RABGEF1: variants seen among roughly 807,000 people sequenced by gnomAD.
RABGEF1 encodes the protein rab5 GDP/GTP exchange factor.
Under a neutral mutation model 57.3 loss-of-function variants are expected in RABGEF1, and 26 were observed. The ratio of observed to expected loss-of-function variants is 0.45; its 90% CI spans 0.33 to 0.63. The LOEUF (loss-of-function observed/expected upper bound fraction) is 0.63. Among genes scored for constraint, RABGEF1 ranks in the 20% least tolerant of loss-of-function variants. RABGEF1 has a pLI of 0.02. For synonymous variants in RABGEF1, 185 were observed against 210.7 expected (o/e 0.88, Z 1.06); for missense variants, 464 against 607.6 (o/e 0.76, Z 2.48).
chr7:66,748,910 G>T, intron 1 of RABGEF1: 1 of 244,338 alleles, frequency 4.1e-6, no homozygotes, highest in South Asian at 6.9e-5. Context: ...TGTCACCCTG[G>T]TTCTGGGCAC....
At chr7:66,767,369 T>A (rs948031452) in intron 1 of RABGEF1, among the ~76,000 whole-genome samples, 12 of 152,050 alleles carry the variant, frequency 7.9e-5, no homozygotes, top group African/African-American at 2.9e-4. Flanking sequence ...GTCTGCGAAT[T>A]TTTAAATTTT....
chr7:66,707,773 T>G (rs1231034615), intron 1 of RABGEF1, among the ~76,000 whole-genome samples: 1 of 152,218 alleles, frequency 6.6e-6, no homozygotes, highest in African/African-American at 2.4e-5. Flanking sequence ...TTTTACTTCA[T>G]GTACTTTGAG....
At chr7:66,704,024 T>A (rs1360845531) in intron 1 of RABGEF1, among the ~76,000 whole-genome samples, 2 of 152,226 alleles carry the variant, frequency 1.3e-5, no homozygotes, top group African/African-American at 2.4e-5. Flanking sequence ...TTCAATTTAT[T>A]CCTAAGTGTT....
the RABGEF1 span, among the ~76,000 whole-genome samples, chr7:66,672,022 G>A: frequency 6.6e-6 from 1 of 151,560 alleles, no homozygotes; most frequent in Non-Finnish European, 1.5e-5. Context: ...CAGTATGTTG[G>A]CCAGGATGTT....
At chr7:66,792,176 A>T (rs1812855713) in intron 4 of RABGEF1, among the ~76,000 whole-genome samples, 1 of 152,174 alleles carries the variant, frequency 6.6e-6, no homozygotes, top group South Asian at 2.1e-4. Context: ...ACTTGAGGTA[A>T]AGGATTTACT....
chr7:66,806,158 T>C (rs1788397329), intron 8 of RABGEF1, among the ~76,000 whole-genome samples: 1 of 152,086 alleles, frequency 6.6e-6, no homozygotes. Context: ...GTTTTCTGTG[T>C]TGAGAGCCTG....
At chr7:66,702,380 T>C (rs1275276663) in intron 1 of RABGEF1, among the ~76,000 whole-genome samples, 1 of 148,558 alleles carries the variant, frequency 6.7e-6, no homozygotes. Flanking sequence ...TGTGTGTGTG[T>C]GTGTGTGTGT....
In RABGEF1 at chr7:66,783,601, G is replaced by A. The variant is rs188997273; in HGVS notation, c.347-74G>A. 4.0e-3 allele frequency: 5,196 copies of A among 1,286,656 alleles called. 14 individuals carry two copies. Among genetic ancestry groups the A allele is most frequent in the Non-Finnish European group, 4.2e-3 (4,058 of 955,714 alleles). 79.7% of individuals were successfully genotyped at this position (1,286,656 alleles called of 1,614,324 possible). A position where few individuals can be genotyped will look rare whatever the true frequency, so the allele number is the denominator to read the frequency against. On this transcript the variant is annotated intron_variant, in intron 3 of 8. Coordinates refer to ENST00000284957, the MANE Select transcript of RABGEF1 (RefSeq NM_014504.3). ...TGAAACATAATTTAAATAACCTTAG[G>A]TAAGATACTTAAAGTAATTCCATGC... is the stretch of plus-strand genomic sequence containing the variant.
chr7:66,755,776 T>C (rs1290466486), intron 1 of RABGEF1: 5 of 309,698 alleles, frequency 1.6e-5, no homozygotes, highest in Non-Finnish European at 3.0e-5. Context: ...TCTAGTACAA[T>C]AGAAGACTGT....
intron 2 of RABGEF1, among the ~76,000 whole-genome samples, chr7:66,726,598 C>G (rs1796607621): frequency 6.6e-6 from 1 of 152,020 alleles, no homozygotes; most frequent in Non-Finnish European, 1.5e-5. Flanking sequence ...TCCTGTTGGG[C>G]TCAAGTAATC....
Position 66,797,488 on chromosome 7 carries a change from C to T in RABGEF1, c.710C>T (p.Ala237Val). The T allele has an allele frequency of 6.2e-6, 10 of 1,609,158 alleles. No individual in the cohort carries two copies. Among genetic ancestry groups the T allele is most frequent in the Non-Finnish European group, 8.5e-6 (10 of 1,178,934 alleles). ...ACTGATGATGAGAAGAAAGATCTTGCCATTCAAAAGAGAATCAGGTAGTTG... is the reference window on the plus strand; with the variant it reads ...ACTGATGATGAGAAGAAAGATCTTGTCATTCAAAAGAGAATCAGGTAGTTG... ...ETTDDEKKDL[A>V]IQKRIRALRW... The change falls in exon 6 of 9, where the codon GCC becomes GTC. Residue 237 changes from alanine to valine, a missense_variant. Physicochemically the swap from Ala to Val is moderately conservative, Grantham distance 64. This residue lies in a region of RABGEF1 where 284 missense variants were observed against 389.9 expected (regional missense o/e 0.73). Transcript: ENST00000284957.
chr7:66,801,881 C>T (rs1286347808), intron 7 of RABGEF1, among the ~76,000 whole-genome samples: 1 of 152,142 alleles, frequency 6.6e-6, no homozygotes, highest in South Asian at 2.1e-4. Context: ...CATTGGACAA[C>T]ATCTGGAGAC....
intron 6 of RABGEF1, among the ~76,000 whole-genome samples, chr7:66,799,122 G>A (rs1786703812): frequency 6.6e-6 from 1 of 152,212 alleles, no homozygotes; most frequent in African/African-American, 2.4e-5. Context: ...CCATTCTTGT[G>A]ATAAATGCAG....
At chr7:66,709,919 T>A (rs988196083) in intron 1 of RABGEF1, among the ~76,000 whole-genome samples, 1 of 152,320 alleles carries the variant, frequency 6.6e-6, no homozygotes, top group Non-Finnish European at 1.5e-5. Context: ...AATGCAAAAG[T>A]AACATTAATT....
intron 1 of RABGEF1, among the ~76,000 whole-genome samples, chr7:66,771,004 G>A (rs947103326): frequency 3.3e-4 from 50 of 152,194 alleles, no homozygotes; most frequent in African/African-American, 1.1e-3. Context: ...TTATTGAGTT[G>A]TAGGAGTTCC....
intron 1 of RABGEF1, among the ~76,000 whole-genome samples, chr7:66,771,296 G>T (rs1262430773): frequency 6.6e-6 from 1 of 151,994 alleles, no homozygotes; most frequent in East Asian, 1.9e-4. Flanking sequence ...CCGCCACCAC[G>T]CCTGGCTAAT....
intron 2 of RABGEF1, among the ~76,000 whole-genome samples, chr7:66,724,409 G>C (rs1329057606): frequency 1.3e-5 from 2 of 151,574 alleles, no homozygotes; most frequent in East Asian, 3.9e-4. Context: ...CACCAGGTTG[G>C]AGTGCAGTGG....
chr7:66,800,585 G>A (rs1373668938), intron 7 of RABGEF1, among the ~76,000 whole-genome samples: 1 of 152,084 alleles, frequency 6.6e-6, no homozygotes, highest in East Asian at 1.9e-4. Flanking sequence ...TCTGCCCCCC[G>A]CACCTTTTGC....
intron 2 of RABGEF1, among the ~76,000 whole-genome samples, chr7:66,720,805 G>C (rs1795960767): frequency 6.6e-6 from 1 of 152,120 alleles, no homozygotes; most frequent in African/African-American, 2.4e-5. Flanking sequence ...AGTCCCAGGA[G>C]ATATGAAATA....
Sources: gnomAD v4.1 joint callset for allele counts (sites outside exome capture counted in the v4.1 genomes callset) on GRCh38, gnomAD v4.1.1 for gene constraint, gnomAD v4.1.1 regional missense constraint, MANE v1.5 for transcripts, NCBI Gene and HGNC (gene_info 2026-07-23, HGNC 2026-07-21) for gene names.